The following ZDHHC6 variants were observed in gnomAD, a reference collection of about 807,000 sequenced individuals.
ZDHHC6 encodes the protein palmitoyltransferase ZDHHC6.
Under a neutral mutation model 57.8 loss-of-function variants are expected in ZDHHC6, and 32 were observed. The observed-to-expected ratio is 0.55, with a 90% CI of 0.42 to 0.74. ZDHHC6 has a LOEUF of 0.74. Among genes scored for constraint, ZDHHC6 ranks in the 30% least tolerant of loss-of-function variants. ZDHHC6 has a pLI of 0.00. For synonymous variants in ZDHHC6, 128 were observed against 158.0 expected, an observed-to-expected ratio of 0.81 and a Z score of 1.42; for missense variants, 433 against 500.7, an observed-to-expected ratio of 0.86 and a Z score of 1.29.
In ZDHHC6 at chr10:112,445,300, T is replaced by C. The variant is rs766123262; in HGVS notation, c.137A>G (p.Tyr46Cys). 9 of 1,614,186 alleles carry C rather than the reference T, an allele frequency of 5.6e-6. No homozygotes were observed. In the East Asian group the frequency reaches 1.1e-4, roughly 20 times the overall value. Residue 46 changes from tyrosine (Y) to cysteine (C), a missense_variant, in exon 2 of 11, where the codon TAT becomes TGT. Coordinates refer to ENST00000369405, the MANE Select transcript of ZDHHC6 (RefSeq NM_022494.3). Reference sequence around the variant, plus strand: ...TCCTCCAGTTGTATGTAAGGGCCAATACCACAACACAGAGTCAATCATGGC... The same window carrying C: ...TCCTCCAGTTGTATGTAAGGGCCAACACCACAACACAGAGTCAATCATGGC... ...TMAMIDSVLWYWPLHTTGGSV... is the reference protein window; with the variant it reads ...TMAMIDSVLWCWPLHTTGGSV...
At chr10:112,432,016 C>T (rs546594169) in intron 10 of ZDHHC6, among the ~76,000 whole-genome samples, 56 of 152,258 alleles carry the variant, frequency 3.7e-4, no homozygotes, top group African/African-American at 1.1e-3. Context: ...AAGTACTTTT[C>T]GCATAGTTAT....
At chr10:112,440,801 C>CA in intron 4 of ZDHHC6, 106 bp from the exon 5 acceptor site, 1 of 1,027,348 alleles carries the variant, frequency 9.7e-7, no homozygotes, top group Non-Finnish European at 1.3e-6. Context: ...ACAACGTGGC[C>CA]CTGTGGCCAA....
At chr10:112,429,587 G>C (rs150006003), downstream of ZDHHC6, among the ~76,000 whole-genome samples, 389 of 152,318 alleles carry the variant, frequency 2.6e-3, 3 homozygotes, top group Non-Finnish European at 4.2e-3. Context: ...CTGAAGTCCA[G>C]AGAAATAGGC....
rs1354218175 is a variant in ZDHHC6, at chr10:112,445,573, T to G, written c.-137A>C. On this transcript the variant is annotated 5_prime_UTR_variant, in exon 2 of 11. An upstream open reading frame in the 5' UTR loses its in-frame stop. Transcript: ENST00000369405. ...CAAGCTGTGAACTGTTAACGCAGATTACACCATTTTCACTGTCAGGCACCC... is the reference window on the plus strand; with the variant it reads ...CAAGCTGTGAACTGTTAACGCAGATGACACCATTTTCACTGTCAGGCACCC... 1 of 1,017,298 alleles carries G rather than the reference T, an allele frequency of 9.8e-7. No individual in the cohort carries two copies. The highest frequency in any genetic ancestry group is 1.4e-6 in the Non-Finnish European group (1 of 718,548). 63.0% of individuals were successfully genotyped at this position (1,017,298 alleles called of 1,614,324 possible). A position where few individuals can be genotyped will look rare whatever the true frequency, so the allele number is the denominator to read the frequency against.
chr10:112,442,378 T>C, intron 3 of ZDHHC6, 27 bp from the exon 4 acceptor site: 1 of 1,593,378 alleles, frequency 6.3e-7, no homozygotes, highest in Non-Finnish European at 8.5e-7. Flanking sequence ...ACATAAAACA[T>C]GAGGCAGAAA....
intron 5 of ZDHHC6, among the ~76,000 whole-genome samples, chr10:112,439,675 A>T (rs1845922802): frequency 1.4e-5 from 2 of 139,066 alleles, no homozygotes; most frequent in South Asian, 2.4e-4. Flanking sequence ...AAAAAGAATG[A>T]AAAAGAATGG....
At chr10:112,445,730 A>C (rs760168802) in intron 1 of ZDHHC6, 80 bp from the exon 2 acceptor site, 5 of 487,888 alleles carry the variant, frequency 1.0e-5, no homozygotes, top group Non-Finnish European at 1.8e-5. Context: ...TGTTAACTAC[A>C]ATAAACACCT....
At chr10:112,441,173 C>T (rs1024483743) in intron 4 of ZDHHC6, among the ~76,000 whole-genome samples, 4 of 152,158 alleles carry the variant, frequency 2.6e-5, no homozygotes, top group African/African-American at 4.8e-5. Context: ...TAGTAATGAG[C>T]TCGGACCGAT....
intron 2 of ZDHHC6, among the ~76,000 whole-genome samples, chr10:112,444,195 T>G (rs1846421466): frequency 6.6e-6 from 1 of 152,210 alleles, no homozygotes; most frequent in Non-Finnish European, 1.5e-5. Context: ...AATCTGCCTT[T>G]GTTTCAGCTG....
upstream of ZDHHC6, chr10:112,447,483 G>T (rs1282250915): frequency 3.1e-6 from 5 of 1,611,742 alleles, no homozygotes. Flanking sequence ...AGCCTTGCCC[G>T]GCTGGACGAG....
At position 112,442,181 on chromosome 10, in the gene ZDHHC6, T is replaced by G. The variant is rs898738837; in HGVS notation, c.519+11A>C. The G allele has an allele frequency of 3.1e-6, 5 of 1,593,606 alleles. No individual in the cohort carries two copies. In the Admixed American group the frequency reaches 9.1e-5, roughly 29 times the overall value. On this transcript the variant is annotated intron_variant, in intron 4 of 10. Coordinates refer to ENST00000369405, the MANE Select transcript of ZDHHC6 (RefSeq NM_022494.3). The stretch of plus-strand genomic sequence containing the variant: ...ATGATTTTATAACAAAACATTTTCA[T>G]TTTCACTTACCCGATGATAAAGCTG...
intron 6 of ZDHHC6, among the ~76,000 whole-genome samples, chr10:112,437,604 C>A (rs1292307202): frequency 6.6e-6 from 1 of 152,190 alleles, no homozygotes; most frequent in African/African-American, 2.4e-5. Context: ...AAGTGAGAAT[C>A]CAACCATCTT....
intron 3 of ZDHHC6, among the ~76,000 whole-genome samples, chr10:112,443,005 A>G (rs1326314669): frequency 6.6e-6 from 1 of 152,222 alleles, no homozygotes; most frequent in African/African-American, 2.4e-5. Context: ...AAAAAAGGTC[A>G]CAGGTTATTT....
chr10:112,427,426 C>T (rs1844777008), downstream of ZDHHC6: 4 of 1,434,568 alleles, frequency 2.8e-6, no homozygotes, highest in Non-Finnish European at 3.7e-6. Flanking sequence ...AAAAACTATT[C>T]TTACATTTGT....
In ZDHHC6 at chr10:112,430,836, G is replaced by C. The variant is rs1386216594; in HGVS notation, c.1210C>G (p.Gln404Glu). The change falls in exon 11 of 11, where the codon CAA (glutamine) becomes GAA (glutamate). Residue 404 changes from glutamine to glutamate, a missense_variant. By Grantham distance (29) the Gln-to-Glu change is conservative (BLOSUM62 2). Transcript: ENST00000369405. ...TTTTTCTTCTCCCCCTCTGGGGCTTGATCTGTTTCAGCATCACAGGGACAC... is the reference window on the plus strand; with the variant it reads ...TTTTTCTTCTCCCCCTCTGGGGCTTCATCTGTTTCAGCATCACAGGGACAC... ...EKCPCDAETD[Q>E]APEGEKKNR 1 of 1,613,584 alleles carries C rather than the reference G, an allele frequency of 6.2e-7. No homozygotes were observed. Among genetic ancestry groups the C allele is most frequent in the African/African-American group, 1.3e-5 (1 of 74,892 alleles).
Position 112,445,581 on chromosome 10 carries a change from T to C in ZDHHC6, c.-145A>G. On this transcript the variant is annotated 5_prime_UTR_variant, in exon 2 of 11. Coordinates refer to ENST00000369405, the MANE Select transcript of ZDHHC6 (RefSeq NM_022494.3). ...GAACTGTTAACGCAGATTACACCAT[T>C]TTCACTGTCAGGCACCCAAAGCTCT... The C allele has an allele frequency of 1.0e-6, 1 of 956,878 alleles. No individual in the cohort carries two copies. Among genetic ancestry groups the C allele is most frequent in the Non-Finnish European group, 1.5e-6 (1 of 665,424 alleles). The allele number at this position is 956,878 out of a possible 1,614,324, so 59.3% of individuals were successfully genotyped here.
upstream of ZDHHC6, chr10:112,447,341 G>T (rs746457702): frequency 2.5e-6 from 4 of 1,606,006 alleles, no homozygotes; most frequent in African/African-American, 5.4e-5. Context: ...CCTGACCTAG[G>T]CTTTGGCCTG....
At chr10:112,427,557 C>T, downstream of ZDHHC6, 1 of 430,364 alleles carries the variant, frequency 2.3e-6, no homozygotes, top group Non-Finnish European at 4.0e-6. Flanking sequence ...TCTTTCCCAT[C>T]TTCGATGTTG....
intron 10 of ZDHHC6, among the ~76,000 whole-genome samples, chr10:112,431,852 T>C (rs965847319): frequency 6.6e-6 from 1 of 152,242 alleles, no homozygotes; most frequent in African/African-American, 2.4e-5. Context: ...GGAGTCAGAC[T>C]GCTTGGGGTT....
Sources: gnomAD v4.1 joint callset for allele counts (sites outside exome capture counted in the v4.1 genomes callset) on GRCh38, gnomAD v4.1.1 for gene constraint, MANE v1.5 for transcripts, NCBI Gene and HGNC (gene_info 2026-07-23, HGNC 2026-07-21) for gene names.